The following ANKS1A variants were observed in gnomAD, a reference collection of about 807,000 sequenced individuals.
The protein encoded by ANKS1A is ankyrin repeat and SAM domain-containing protein 1A.
Under a neutral mutation model 120.3 loss-of-function variants are expected in ANKS1A, and 55 were observed. That is an observed-to-expected ratio of 0.46 (90% confidence interval 0.37 to 0.57). ANKS1A has a LOEUF of 0.57. ANKS1A is among the 20% of genes least tolerant of loss of function. ANKS1A has a pLI of 0.00. For missense variants in ANKS1A, 1,123 were observed against 1,480.3 expected (o/e 0.76, Z 3.96); for synonymous variants, 590 against 604.7 (o/e 0.98, Z 0.36).
At chr6:35,006,716 C>T (rs542979328) in intron 10 of ANKS1A, among the ~76,000 whole-genome samples, 14 of 152,336 alleles carry the variant, frequency 9.2e-5, no homozygotes, top group South Asian at 2.1e-4. Flanking sequence ...GATCGCACCA[C>T]TGCACTCCAG....
chr6:34,969,349 G>C (rs766969306), intron 2 of ANKS1A, among the ~76,000 whole-genome samples: 5 of 152,184 alleles, frequency 3.3e-5, no homozygotes, highest in Non-Finnish European at 7.3e-5. Flanking sequence ...TGCCTCCTGG[G>C]TTCAAGCAAT....
At chr6:35,016,634 C>T (rs1337199987) in intron 10 of ANKS1A, among the ~76,000 whole-genome samples, 3 of 151,990 alleles carry the variant, frequency 2.0e-5, no homozygotes, top group Admixed American at 1.3e-4. Flanking sequence ...AGGGAAGTCT[C>T]GAGAGAACTG....
rs1483080018 is a variant in ANKS1A at position 34,895,843 on chromosome 6, G to GT, written c.197+6244_197+6245insT. On this transcript the variant is annotated intron_variant, in intron 1 of 23. Coordinates refer to ENST00000360359, the MANE Select transcript of ANKS1A (RefSeq NM_015245.3). ...CTCTCTCTCTCGCCCAGGCTGGAGT[G>GT]CGATGGCACGATCTCGACTCATTGC... Among the ~76,000 whole-genome samples the GT allele has an allele frequency of 1.1e-4, 14 of 128,214 alleles. No homozygotes were observed. In the East Asian group the frequency reaches 3.5e-3, roughly 32 times the overall value. The allele number at this position is 128,214 out of a possible 152,430, so 84.1% of individuals were successfully genotyped here. A position where few individuals can be genotyped will look rare whatever the true frequency, so the allele number is the denominator to read the frequency against.
intron 5 of ANKS1A, 76 bp from the exon 6 acceptor site, chr6:34,983,037 T>G: frequency 7.0e-7 from 1 of 1,433,388 alleles, no homozygotes; most frequent in Admixed American, 1.7e-5. Context: ...CAGCCTTAAA[T>G]GTCCTAAAAT....
chr6:35,021,646 G>A (rs1002669570), intron 11 of ANKS1A, among the ~76,000 whole-genome samples: 1 of 152,146 alleles, frequency 6.6e-6, no homozygotes, highest in Non-Finnish European at 1.5e-5. Context: ...GCTTGGAGCT[G>A]CAGAGAATGG....
chr6:35,092,823 C>T (rs913621033), downstream of ANKS1A, among the ~76,000 whole-genome samples: 1 of 152,214 alleles, frequency 6.6e-6, no homozygotes, highest in Admixed American at 6.5e-5. Flanking sequence ...TCCACATCCT[C>T]ATGAGCCTCC....
intron 13 of ANKS1A, among the ~76,000 whole-genome samples, chr6:35,074,263 C>T (rs1024819684): frequency 3.3e-5 from 5 of 152,250 alleles, no homozygotes; most frequent in African/African-American, 9.6e-5. Context: ...GAGGCAGGCT[C>T]AGCTCAGCCG....
downstream of ANKS1A, among the ~76,000 whole-genome samples, chr6:35,094,738 CAACAGAGAGAA>C (rs1778407528): frequency 6.6e-6 from 1 of 151,980 alleles, no homozygotes; most frequent in South Asian, 2.1e-4. Context: ...CCAATCTGAA[CAACAGAGAGAA>C]AACAGATTGA....
chr6:35,091,533 G>A (rs528182284), downstream of ANKS1A: 69 of 637,668 alleles, frequency 1.1e-4, no homozygotes, highest in East Asian at 5.1e-3. Context: ...CTGAGATGAC[G>A]ACAGCTTGGC....
chr6:34,929,068 G>T (rs1768849224), intron 1 of ANKS1A, among the ~76,000 whole-genome samples: 1 of 152,192 alleles, frequency 6.6e-6, no homozygotes, highest in Non-Finnish European at 1.5e-5. Flanking sequence ...ATGTTTAGTG[G>T]CTGTGAGGTT....
Position 34,982,970 on chromosome 6 carries a change from G to A in ANKS1A, c.808+143G>A. 8.0e-7 allele frequency: 1 copy of A among 1,249,340 alleles called. No homozygotes were observed. The highest frequency in any genetic ancestry group is 2.3e-5 in the East Asian group (1 of 43,026). 77.4% of individuals were successfully genotyped at this position (1,249,340 alleles called of 1,614,324 possible). On this transcript the variant is annotated intron_variant, in intron 5 of 23. Coordinates refer to ENST00000360359, the MANE Select transcript of ANKS1A (RefSeq NM_015245.3). This position sits in a 1 kb window ranked among gnomAD's most constrained non-coding sequence, Gnocchi z 4.9. Reference sequence around the variant, plus strand: ...CTGGTTGATTACAAGTGTGTAAACTGTTCTTGAATAGCTGGATTAAATGGC... The same window carrying A: ...CTGGTTGATTACAAGTGTGTAAACTATTCTTGAATAGCTGGATTAAATGGC...
intron 1 of ANKS1A, among the ~76,000 whole-genome samples, chr6:34,945,162 A>G (rs1769727326): frequency 6.6e-6 from 1 of 152,040 alleles, no homozygotes; most frequent in Admixed American, 6.6e-5. Flanking sequence ...TGCAGCCTTG[A>G]CCTCCCAGGC....
At chr6:34,937,703 C>T (rs959856634) in intron 1 of ANKS1A, among the ~76,000 whole-genome samples, 2 of 152,132 alleles carry the variant, frequency 1.3e-5, no homozygotes, top group Non-Finnish European at 2.9e-5. Context: ...GAAGTTGTGG[C>T]TGGTTCACAC....
chr6:34,907,173 C>A lies in ANKS1A; in HGVS notation c.197+17574C>A, dbSNP rs78582773. Among the ~76,000 whole-genome samples the A allele has an allele frequency of 7.6e-3, 1,159 of 152,262 alleles. 21 individuals are homozygous for A. Among genetic ancestry groups the A allele is most frequent in the African/African-American group, 0.026 (1,060 of 41,544 alleles). On this transcript the variant is annotated intron_variant, in intron 1 of 23. Coordinates refer to ENST00000360359, the MANE Select transcript of ANKS1A (RefSeq NM_015245.3). Reference sequence around the variant, plus strand: ...AGAAAGACAAGCAAAGACTGAGGAACTGTCACAGAGACTCAAGAGCCAAGA... The same window carrying A: ...AGAAAGACAAGCAAAGACTGAGGAAATGTCACAGAGACTCAAGAGCCAAGA...
intron 11 of ANKS1A, among the ~76,000 whole-genome samples, chr6:35,019,758 G>C (rs1239507349): frequency 6.6e-6 from 1 of 152,116 alleles, no homozygotes; most frequent in East Asian, 1.9e-4. Flanking sequence ...GGAAGGTGAA[G>C]ATAAGTGCAG....
Position 35,085,614 on chromosome 6 carries a change from AGTAAAGGAG to A in ANKS1A, c.3133-150_3133-142del, listed in dbSNP as rs1189221064. 3.7e-5 allele frequency: 9 copies of A among 241,184 alleles called. No individual in the cohort carries two copies. The highest frequency in any genetic ancestry group is 1.7e-4 in the African/African-American group (8 of 46,652). The allele number at this position is 241,184 out of a possible 1,614,324, so 14.9% of individuals were successfully genotyped here. A position where few individuals can be genotyped will look rare whatever the true frequency, so the allele number is the denominator to read the frequency against. On this transcript the variant is annotated intron_variant, in intron 21 of 23. Coordinates refer to ENST00000360359, the MANE Select transcript of ANKS1A (RefSeq NM_015245.3). This position sits in a 1 kb window ranked among gnomAD's most constrained non-coding sequence, Gnocchi z 4.7. ...GGAAGAACAACAGAGACCTAGGAAG[AGTAAAGGAG>A]GGAAAGGAGGGAAGAGTGGAAGGAG...
rs9348961 is a variant in ANKS1A, at chr6:35,039,463, C to G, written c.2011-14636C>G. The G allele has an allele frequency of 1.0e-3, 404 of 402,244 alleles. 1 individual carries two copies. The highest frequency in any genetic ancestry group is 2.6e-3 in the Admixed American group (96 of 37,608). The allele number at this position is 402,244 out of a possible 1,614,324, so 24.9% of individuals were successfully genotyped here. A position where few individuals can be genotyped will look rare whatever the true frequency, so the allele number is the denominator to read the frequency against. On this transcript the variant is annotated intron_variant, in intron 11 of 23. Coordinates refer to ENST00000360359, the MANE Select transcript of ANKS1A (RefSeq NM_015245.3). Reference sequence around the variant, plus strand: ...CCGCCCACCTCAGCCTCCCAAAGTGCTGGGATTACAGGCGTGAGCCATCAC... The same window carrying G: ...CCGCCCACCTCAGCCTCCCAAAGTGGTGGGATTACAGGCGTGAGCCATCAC...
chr6:34,962,207 T>G (rs915741796), intron 1 of ANKS1A, among the ~76,000 whole-genome samples: 11 of 152,200 alleles, frequency 7.2e-5, no homozygotes, highest in African/African-American at 2.7e-4. Context: ...GCTTCTTGTT[T>G]AGAAAGTGCT....
intron 10 of ANKS1A, among the ~76,000 whole-genome samples, chr6:35,011,340 T>C (rs557972625): frequency 6.6e-6 from 1 of 152,240 alleles, no homozygotes; most frequent in Admixed American, 6.5e-5. Context: ...AGACAGCAAA[T>C]ATGCTATTAA....
Sources: allele counts gnomAD v4.1 joint callset (sites outside exome capture counted in the v4.1 genomes callset), GRCh38; gene constraint gnomAD v4.1.1; non-coding constraint Gnocchi (gnomAD v3.1); transcripts MANE v1.5; gene names NCBI Gene and HGNC (gene_info 2026-07-23, HGNC 2026-07-21).